COPG2: variants seen among roughly 807,000 people sequenced by gnomAD.
COPG2 encodes coat protein complex I subunit gamma 2.
A neutral mutation model predicts 46.3 loss-of-function variants in COPG2; 37 were observed. The ratio of observed to expected loss-of-function variants is 0.80; its 90% CI spans 0.61 to 1.05. The LOEUF is 1.05. COPG2 is among the 50% of genes least tolerant of loss of function. COPG2 has a pLI of 0.00. For missense variants in COPG2, 427 were observed against 387.8 expected, an observed-to-expected ratio of 1.10 and a Z score of -0.85; for synonymous variants, 159 against 129.7, an observed-to-expected ratio of 1.23 and a Z score of -1.53.
intron 5 of COPG2, chr7:130,645,550 G>T: frequency 5.1e-6 from 1 of 197,818 alleles, no homozygotes; most frequent in Non-Finnish European, 1.0e-5. Context: ...CTGCCTTGGA[G>T]GTGAAGCCCC....
intron 20 of COPG2, among the ~76,000 whole-genome samples, chr7:130,516,561 A>G (rs997603883): frequency 2.6e-5 from 4 of 152,194 alleles, no homozygotes; most frequent in Non-Finnish European, 5.9e-5. Context: ...GAGAGAACAA[A>G]AGATGGAGGT....
At chr7:130,631,643 G>A (rs1276481303) in intron 5 of COPG2, among the ~76,000 whole-genome samples, 2 of 152,074 alleles carry the variant, frequency 1.3e-5, no homozygotes, top group Non-Finnish European at 2.9e-5. Flanking sequence ...TCATAAAGAG[G>A]ATACAAACTT....
At chr7:130,561,522 T>C (rs1793720601) in intron 11 of COPG2, among the ~76,000 whole-genome samples, 2 of 152,228 alleles carry the variant, frequency 1.3e-5, no homozygotes, top group South Asian at 4.1e-4. Context: ...ACGTCTATTC[T>C]ATTAGATGTT....
chr7:130,559,472 C>T (rs1793683390), intron 12 of COPG2, among the ~76,000 whole-genome samples: 1 of 152,136 alleles, frequency 6.6e-6, no homozygotes. Flanking sequence ...TAAGCTGGGC[C>T]TAAAAATAGG....
chr7:130,528,582 G>T (rs963257747), intron 20 of COPG2, among the ~76,000 whole-genome samples: 1 of 152,024 alleles, frequency 6.6e-6, no homozygotes, highest in African/African-American at 2.4e-5. Flanking sequence ...ATGCAGGAGG[G>T]TGCAGGTGGG....
intron 9 of COPG2, among the ~76,000 whole-genome samples, chr7:130,604,082 T>C (rs895521000): frequency 5.9e-5 from 9 of 152,140 alleles, no homozygotes; most frequent in East Asian, 1.9e-4. Context: ...TCATCTTACA[T>C]TGAGTAGGCT....
intron 11 of COPG2, among the ~76,000 whole-genome samples, chr7:130,562,560 T>C (rs1392098202): frequency 1.3e-5 from 2 of 152,164 alleles, no homozygotes; most frequent in African/African-American, 2.4e-5. Flanking sequence ...TTCTGTATTA[T>C]ATCCTCTAAA....
At chr7:130,644,547 A>G (rs1453663682) in intron 5 of COPG2, among the ~76,000 whole-genome samples, 1 of 152,210 alleles carries the variant, frequency 6.6e-6, no homozygotes, top group Admixed American at 6.5e-5. Flanking sequence ...ATTTAAGTAG[A>G]TGTAAAAGTT....
At position 130,506,511 on chromosome 7, in the gene COPG2, G is replaced by A. The variant is rs997498779; in HGVS notation, c.*165C>T. Reference sequence around the variant, plus strand: ...AAAAAAAAAAAAAAACAACCCATGCGCAAAGATAGACATTTGCTTGATCTG... The same window carrying A: ...AAAAAAAAAAAAAAACAACCCATGCACAAAGATAGACATTTGCTTGATCTG... On this transcript the variant is annotated 3_prime_UTR_variant, in exon 24 of 24. Coordinates refer to ENST00000425248, the MANE Select transcript of COPG2 (RefSeq NM_012133.6). 12 of 434,080 alleles carry A rather than the reference G, an allele frequency of 2.8e-5. No individual in the cohort carries two copies. The highest frequency in any genetic ancestry group is 6.0e-4 in the Middle Eastern group (1 of 1,670). 26.9% of individuals were successfully genotyped at this position (434,080 alleles called of 1,614,324 possible).
At chr7:130,651,303 T>TTA (rs1795733922) in intron 5 of COPG2, among the ~76,000 whole-genome samples, 1 of 151,382 alleles carries the variant, frequency 6.6e-6, no homozygotes, top group Non-Finnish European at 1.5e-5. Context: ...TCCACATTTT[T>TTA]TATATATATA....
intron 20 of COPG2, among the ~76,000 whole-genome samples, chr7:130,532,523 A>C (rs941206681): frequency 6.6e-6 from 1 of 151,996 alleles, no homozygotes; most frequent in Non-Finnish European, 1.5e-5. Flanking sequence ...CAGGCAGGGC[A>C]GGAGAGTCAG....
intron 5 of COPG2, among the ~76,000 whole-genome samples, chr7:130,631,750 C>A (rs1554455225): frequency 7.0e-6 from 1 of 141,956 alleles, no homozygotes; most frequent in Non-Finnish European, 1.6e-5. Context: ...AAATTCTTTT[C>A]TTTAAGCAGT....
At chr7:130,628,898 A>G (rs1284686248) in intron 5 of COPG2, among the ~76,000 whole-genome samples, 2 of 152,190 alleles carry the variant, frequency 1.3e-5, no homozygotes, top group Non-Finnish European at 2.9e-5. Context: ...AAAATAAAAA[A>G]TTAGTCAGGC....
chr7:130,513,308 AAT>A (rs1197540092), intron 20 of COPG2, among the ~76,000 whole-genome samples: 168 of 55,606 alleles, frequency 3.0e-3, no homozygotes, highest in East Asian at 3.7e-3. Flanking sequence ...AAAAAAAAAA[AAT>A]ATATATATAT....
chr7:130,589,270 G>A (rs1369485218), intron 9 of COPG2, among the ~76,000 whole-genome samples: 1 of 151,670 alleles, frequency 6.6e-6, no homozygotes, highest in Non-Finnish European at 1.5e-5. Context: ...TCCAAACACT[G>A]TACAGGTTTA....
chr7:130,607,866 T>C, intron 9 of COPG2: 1 of 511,268 alleles, frequency 2.0e-6, no homozygotes, highest in East Asian at 5.5e-5. Flanking sequence ...TTTCACCCAG[T>C]ATAGCTTTTG....
intron 5 of COPG2, among the ~76,000 whole-genome samples, chr7:130,644,251 G>A (rs1795549114): frequency 6.6e-6 from 1 of 152,164 alleles, no homozygotes. Context: ...TTTAGGATAA[G>A]TTCTCTTTTC....
rs183259141 is a variant in COPG2 at position 130,637,985 on chromosome 7, G to C, written c.323+14884C>G. Among the ~76,000 whole-genome samples the C allele has an allele frequency of 1.0e-3, 154 of 152,260 alleles. 1 individual carries two copies. The highest frequency in any genetic ancestry group is 3.4e-3 in the Middle Eastern group (1 of 294). Reference sequence around the variant, plus strand: ...TTCCTTCTAACAGTCAGGACCCTCTGCTGCAGGTCTGCTGGAATTTGCTGG... The same window carrying C: ...TTCCTTCTAACAGTCAGGACCCTCTCCTGCAGGTCTGCTGGAATTTGCTGG... On this transcript the variant is annotated intron_variant, in intron 5 of 23. Coordinates refer to ENST00000425248, the MANE Select transcript of COPG2 (RefSeq NM_012133.6).
At chr7:130,519,770 TAGAA>T (rs1288181289) in intron 20 of COPG2, among the ~76,000 whole-genome samples, 4 of 152,184 alleles carry the variant, frequency 2.6e-5, no homozygotes, top group African/African-American at 9.7e-5. Context: ...TTGTATGAAT[TAGAA>T]AGCAGTTTTG....
Sources: gnomAD v4.1 joint callset for allele counts (sites outside exome capture counted in the v4.1 genomes callset) on GRCh38, gnomAD v4.1.1 for gene constraint, MANE v1.5 for transcripts, NCBI Gene and HGNC (gene_info 2026-07-23, HGNC 2026-07-21) for gene names.